Variants in DPP7 observed in about 807,000 individuals in gnomAD.
DPP7 encodes the protein dipeptidyl peptidase 2.
A neutral mutation model predicts 58.8 loss-of-function variants in DPP7; 74 were observed. That is an observed-to-expected ratio of 1.26 (90% CI 1.04 to 1.53). DPP7 has a LOEUF of 1.53. DPP7 is among the 40% of genes most tolerant of loss of function. The pLI is 0.00. For missense variants in DPP7, 807 were observed against 692.3 expected (o/e 1.17, Z -1.86); for synonymous variants, 350 against 303.6 (o/e 1.15, Z -1.59).
Position 137,112,814 on chromosome 9 carries a change from C to T in DPP7, c.871-9G>A. On this transcript the variant is annotated splice_polypyrimidine_tract_variant and intron_variant, in intron 7 of 12. Coordinates refer to ENST00000371579, the MANE Select transcript of DPP7 (RefSeq NM_013379.3). ...AGCCGATCACAGCCCACCTGGAGTG[C>T]AGGGGCAGCGGCGACTCAGCGGGGT... is the stretch of plus-strand genomic sequence containing the variant. 2 of 1,608,954 alleles carry T rather than the reference C, an allele frequency of 1.2e-6. No individual in the cohort carries two copies. The highest frequency in any genetic ancestry group is 1.7e-6 in the Non-Finnish European group (2 of 1,179,258).
upstream of DPP7, among the ~76,000 whole-genome samples, chr9:137,115,386 C>T (rs1564327510): frequency 6.6e-6 from 1 of 152,296 alleles, no homozygotes; most frequent in East Asian, 1.9e-4. Flanking sequence ...GGGCCTCCTC[C>T]CTGGGGAGCA....
chr9:137,112,618 C>A (rs1831426744), intron 8 of DPP7, 127 bp downstream of exon 8: 2 of 1,176,970 alleles, frequency 1.7e-6, no homozygotes, highest in South Asian at 1.4e-5. Flanking sequence ...CTGTCCACCC[C>A]ACCACAGCCC....
At position 137,110,721 on chromosome 9, in the gene DPP7, A is replaced by C. The variant is rs778401773; in HGVS notation, c.1406T>G (p.Ile469Ser). 1.3e-6 allele frequency: 2 copies of C among 1,574,164 alleles called. No homozygotes were observed. The highest frequency in any genetic ancestry group is 2.2e-5 in the South Asian group (2 of 90,882). The change falls in exon 13 of 13, where the codon ATC becomes AGC. Residue 469 changes from isoleucine (I) to serine (S), a missense_variant. Coordinates refer to ENST00000371579, the MANE Select transcript of DPP7 (RefSeq NM_013379.3). ...CCTGGCTGCCTTTACCCACTCGCCGATGATGGTGGCCTCCAGCTTCCGCGC... is the reference window on the plus strand; with the variant it reads ...CCTGGCTGCCTTTACCCACTCGCCGCTGATGGTGGCCTCCAGCTTCCGCGC... ...VEARKLEATIIGEWVKAARRE... is the reference protein window; with the variant it reads ...VEARKLEATISGEWVKAARRE...
rs748539155 is a variant in DPP7 at position 137,113,574 on chromosome 9, G to A, written c.486-78C>T. ...TTTTCCTCCTCAGGGGCCCACAGGT[G>A]CCACAAGGAGGACGACACTTCTGAG... is the stretch of plus-strand genomic sequence containing the variant. On this transcript the variant is annotated intron_variant, in intron 4 of 12. Coordinates refer to ENST00000371579, the MANE Select transcript of DPP7 (RefSeq NM_013379.3). The A allele has an allele frequency of 1.0e-5, 15 of 1,481,714 alleles. No homozygotes were observed. In the African/African-American group the frequency reaches 2.0e-4, roughly 19 times the overall value. The allele number at this position is 1,481,714 out of a possible 1,614,324, so 91.8% of individuals were successfully genotyped here.
At chr9:137,115,845 G>A (rs969892228), upstream of DPP7, among the ~76,000 whole-genome samples, 2 of 152,106 alleles carry the variant, frequency 1.3e-5, no homozygotes, top group South Asian at 2.1e-4. Flanking sequence ...CCATCCCTAC[G>A]CAGTTCCTGG....
At chr9:137,114,862 C>A, upstream of DPP7, 1 of 480,260 alleles carries the variant, frequency 2.1e-6, no homozygotes. Flanking sequence ...TGCCCCCCAA[C>A]ACCCCGCGCC....
At chr9:137,117,900 C>T (rs976611129), upstream of DPP7, among the ~76,000 whole-genome samples, 1 of 152,084 alleles carries the variant, frequency 6.6e-6, no homozygotes, top group Non-Finnish European at 1.5e-5. Flanking sequence ...AACAATGGAC[C>T]CCAGCCCCTG....
rs755412322 is a variant in DPP7 at position 137,114,533 on chromosome 9, C to T, written c.111G>A (p.Gln37=). The T allele has an allele frequency of 1.9e-6, 3 of 1,573,496 alleles. No homozygotes were observed. Among genetic ancestry groups the T allele is most frequent in the East Asian group, 2.4e-5 (1 of 41,290 alleles). Residue 37 remains glutamine, a synonymous_variant, in exon 2 of 13, where the codon CAG becomes CAA. Transcript: ENST00000371579. ...PDPGFQERFF[Q]QRLDHFNFER... ...CGAAGTTGAAGTGGTCCAGACGCTGCTGGAAGAAGCGCTCCTGGAAGCCGG... is the reference window on the plus strand; with the variant it reads ...CGAAGTTGAAGTGGTCCAGACGCTGTTGGAAGAAGCGCTCCTGGAAGCCGG...
At position 137,114,317 on chromosome 9, in the gene DPP7, C is replaced by A. The variant is rs199586193; in HGVS notation, c.247G>T (p.Ala83Ser). ...FYTGNEGDVW[A>S]FANNSAFVAE... is the part of the protein sequence containing the mutation. ...ACGAAGGCCGAGTTGTTGGCGAAGG[C>A]CCACACGTCGCCCTCGTTCCCAGTG... Residue 83 changes from alanine to serine, a missense_variant, in exon 3 of 13, where the codon GCC (alanine) becomes TCC (serine). Ala to Ser is a moderately conservative substitution (Grantham distance 99, BLOSUM62 1). Transcript: ENST00000371579. 9.4e-6 allele frequency: 15 copies of A among 1,595,124 alleles called. No homozygotes were observed. The South Asian group carries it at 1.4e-4, about 15-fold the overall frequency.
upstream of DPP7, among the ~76,000 whole-genome samples, chr9:137,116,152 C>T (rs1831631399): frequency 6.6e-6 from 1 of 151,864 alleles, no homozygotes; most frequent in African/African-American, 2.4e-5. Context: ...GCAGGGTTTC[C>T]AAGGAAGCCA....
intron 4 of DPP7, 125 bp from the exon 5 acceptor site, chr9:137,113,621 G>A: frequency 7.0e-7 from 1 of 1,434,438 alleles, no homozygotes; most frequent in Non-Finnish European, 9.1e-7. Context: ...CCAACCCTGG[G>A]CCAGGTGCGG....
At position 137,113,986 on chromosome 9, in the gene DPP7, G is replaced by T; in HGVS notation, c.364C>A (p.Gln122Lys). The change falls in exon 4 of 13, where the codon CAG becomes AAG. Residue 122 changes from glutamine to lysine, a missense_variant. This residue lies in a region of DPP7 where 624 missense variants were observed against 531.2 expected (regional missense o/e 1.17). Coordinates refer to ENST00000371579, the MANE Select transcript of DPP7 (RefSeq NM_013379.3). ...KSLPFGAQSTQRGHTELLTVE... is the reference protein window; with the variant it reads ...KSLPFGAQSTKRGHTELLTVE... ...GTCAGCAGCTCCGTGTGCCCGCGCT[G>T]CGTGGACTGCGCACCGAACGGCAGC... is the stretch of plus-strand genomic sequence containing the variant. 6.3e-7 allele frequency: 1 copy of T among 1,574,988 alleles called. No homozygotes were observed. Among genetic ancestry groups the T allele is most frequent in the South Asian group, 1.1e-5 (1 of 88,598 alleles).
rs780798520 is a variant in DPP7, at chr9:137,113,902, C to G, written c.448G>C (p.Gly150Arg). 1.3e-6 allele frequency: 2 copies of G among 1,569,940 alleles called. No homozygotes were observed. The change falls in exon 4 of 13, where the codon GGG (glycine) becomes CGG (arginine). Residue 150 changes from glycine (G) to arginine (R), a missense_variant. This residue lies in a region of DPP7 where 624 missense variants were observed against 531.2 expected (regional missense o/e 1.17). Transcript: ENST00000371579. ...ELLRALRRDL[G>R]AQDAPAIAFG... ...GCGATGGCGGGGGCATCCTGGGCCCCGAGGTCGCGTCGTAGCGCGCGGAGC... is the reference window on the plus strand; with the variant it reads ...GCGATGGCGGGGGCATCCTGGGCCCGGAGGTCGCGTCGTAGCGCGCGGAGC...
chr9:137,113,563 G>A (rs780433774), intron 4 of DPP7, 67 bp from the exon 5 acceptor site: 6 of 1,495,488 alleles, frequency 4.0e-6, no homozygotes, highest in Non-Finnish European at 5.3e-6. Context: ...CCTCCTCAGG[G>A]GCCCACAGGT....
chr9:137,112,627 C>T (rs1831427259), intron 8 of DPP7, 118 bp downstream of exon 8: 2 of 1,270,722 alleles, frequency 1.6e-6, no homozygotes, highest in Non-Finnish European at 1.1e-6. Flanking sequence ...CCACCACAGC[C>T]CTGGGGCAGG....
chr9:137,113,561 G>T, intron 4 of DPP7, 65 bp from the exon 5 acceptor site: 1 of 1,495,494 alleles, frequency 6.7e-7, no homozygotes, highest in Non-Finnish European at 8.9e-7. Context: ...TTCCTCCTCA[G>T]GGGCCCACAG....
intron 12 of DPP7, 38 bp downstream of exon 12, chr9:137,110,842 C>T: frequency 1.2e-6 from 2 of 1,604,084 alleles, no homozygotes; most frequent in Non-Finnish European, 8.5e-7. Flanking sequence ...CCTGTCCCGC[C>T]CGACCCGCGA....
chr9:137,112,027 G>C lies in DPP7; in HGVS notation c.1053C>G (p.Ala351=). The C allele has an allele frequency of 6.2e-7, 1 of 1,613,356 alleles. No homozygotes were observed. Among genetic ancestry groups the C allele is most frequent in the Non-Finnish European group, 8.5e-7 (1 of 1,179,770 alleles). The change falls in exon 10 of 13, where the codon GCC becomes GCG. Residue 351 remains alanine, a splice_region_variant and synonymous_variant. Transcript: ENST00000371579. The part of the protein sequence containing the change: ...GPDARAWDYQ[A]CTEINLTFAS... ...CGAAGGTCAGGTTGATCTCGGTGCA[G>C]GCCTGCAGGTGCCCCAGCCTGAGTC...
In DPP7 at chr9:137,111,693, GC is replaced by G. The variant is rs753858105; in HGVS notation, c.1268del (p.Gly423AlafsTer7). 6.2e-7 allele frequency: 1 copy of G among 1,613,464 alleles called. No homozygotes were observed. Among genetic ancestry groups the G allele is most frequent in the Non-Finnish European group, 8.5e-7 (1 of 1,179,924 alleles). ...SNGNLDPWAG[G>X]GIRRNLSASV... ...TAGGGCCCAGGCCAGGACTCACCCC[GC>G]CCCCTGCCCAGGGGTCCAGGTTCCC... is the stretch of plus-strand genomic sequence containing the variant. On this transcript the variant is annotated frameshift_variant, in exon 11 of 13. Coordinates refer to ENST00000371579, the MANE Select transcript of DPP7 (RefSeq NM_013379.3). LOFTEE classifies it high-confidence loss of function.
Sources: allele counts gnomAD v4.1 joint callset (sites outside exome capture counted in the v4.1 genomes callset), GRCh38; gene constraint gnomAD v4.1.1; regional missense constraint gnomAD v4.1.1; transcripts MANE v1.5; gene names NCBI Gene and HGNC (gene_info 2026-07-23, HGNC 2026-07-21).